RPS6KC1: variants seen among roughly 807,000 people sequenced by gnomAD.
RPS6KC1 encodes the protein inactive ribosomal protein S6 kinase delta-1.
In RPS6KC1, 54 loss-of-function variants were observed where a neutral mutation model predicts 103.8. The ratio of observed to expected loss-of-function variants is 0.52; its 90% CI spans 0.42 to 0.65. The LOEUF (loss-of-function observed/expected upper bound fraction) is 0.65. Among genes scored for constraint, RPS6KC1 ranks in the 30% least tolerant of loss-of-function variants. RPS6KC1 has a pLI of 0.00. For synonymous variants in RPS6KC1, 439 were observed against 438.7 expected (o/e 1.00, Z -0.01); for missense variants, 1,151 against 1,253.8 (o/e 0.92, Z 1.24).
the RPS6KC1 span, among the ~76,000 whole-genome samples, chr1:213,476,719 G>T: frequency 6.6e-6 from 1 of 152,204 alleles, no homozygotes. Context: ...TGGTGTTGGA[G>T]ACTCACCTGT....
chr1:213,615,862 C>T, the RPS6KC1 span, among the ~76,000 whole-genome samples: 1 of 152,214 alleles, frequency 6.6e-6, no homozygotes, highest in Non-Finnish European at 1.5e-5. Flanking sequence ...CAATTCCCTA[C>T]AAGGGGTGGC....
At chr1:213,485,380 G>C in the RPS6KC1 span, among the ~76,000 whole-genome samples, 6 of 151,976 alleles carry the variant, frequency 3.9e-5, no homozygotes, top group Non-Finnish European at 7.4e-5. Context: ...CCCTGCATAT[G>C]CTAAGAGTAT....
intron 3 of RPS6KC1, among the ~76,000 whole-genome samples, chr1:213,097,160 C>A (rs956724856): frequency 6.6e-6 from 1 of 152,104 alleles, no homozygotes; most frequent in Non-Finnish European, 1.5e-5. Flanking sequence ...TCAAGACCAG[C>A]CTGGCCAACA....
At chr1:213,670,919 A>ATCTTCTGTT in the RPS6KC1 span, among the ~76,000 whole-genome samples, 96 of 152,146 alleles carry the variant, frequency 6.3e-4, 3 homozygotes, top group South Asian at 0.019. Context: ...GTGGCTTCAG[A>ATCTTCTGTT]TCTTCTGTTT....
chr1:213,453,646 G>C, the RPS6KC1 span, among the ~76,000 whole-genome samples: 1 of 152,304 alleles, frequency 6.6e-6, no homozygotes, highest in Non-Finnish European at 1.5e-5. Context: ...AGGAGCTCAG[G>C]AAGGGTCTTG....
At chr1:213,777,623 A>G in the RPS6KC1 span, among the ~76,000 whole-genome samples, 1 of 152,228 alleles carries the variant, frequency 6.6e-6, no homozygotes, top group African/African-American at 2.4e-5. Context: ...GTTGCCACAA[A>G]TCTTCATTTG....
At chr1:213,798,669 C>A in the RPS6KC1 span, among the ~76,000 whole-genome samples, 1 of 152,184 alleles carries the variant, frequency 6.6e-6, no homozygotes, top group Admixed American at 6.5e-5. Flanking sequence ...GAAACTCAAT[C>A]AGACTTAAAT....
the RPS6KC1 span, among the ~76,000 whole-genome samples, chr1:213,351,490 G>A: frequency 6.6e-6 from 1 of 152,156 alleles, no homozygotes; most frequent in Non-Finnish European, 1.5e-5. Flanking sequence ...TTGAAAAGTG[G>A]CAACTGGCTA....
At chr1:213,853,971 C>G in the RPS6KC1 span, among the ~76,000 whole-genome samples, 1 of 152,332 alleles carries the variant, frequency 6.6e-6, no homozygotes, top group African/African-American at 2.4e-5. Context: ...GGTGCGATTT[C>G]TTCCTATGGT....
At position 213,241,934 on chromosome 1, in the gene RPS6KC1, C is replaced by T. The variant is rs779416023; in HGVS notation, c.2458C>T (p.Arg820Cys). 1.7e-5 allele frequency: 28 copies of T among 1,613,836 alleles called. No homozygotes were observed. Among genetic ancestry groups the T allele is most frequent in the East Asian group, 2.2e-5 (1 of 44,890 alleles). The change falls in exon 11 of 15, where the codon CGT becomes TGT. Residue 820 changes from arginine to cysteine, a missense_variant. By Grantham distance (180) the Arg-to-Cys change is radical. This residue lies in a region of RPS6KC1 where 959 missense variants were observed against 1,006.3 expected (regional missense o/e 0.95). Transcript: ENST00000366960. Reference sequence around the variant, plus strand: ...AAACAACACAGAAGAAAGCTTATTCCGTATTTGTAGTCCACTCTCAGGTGC... The same window carrying T: ...AAACAACACAGAAGAAAGCTTATTCTGTATTTGTAGTCCACTCTCAGGTGC... ...TANNTEESLFRICSPLSGANE... is the reference protein window; with the variant it reads ...TANNTEESLFCICSPLSGANE...
chr1:213,755,356 A>C, the RPS6KC1 span, among the ~76,000 whole-genome samples: 1 of 152,360 alleles, frequency 6.6e-6, no homozygotes, highest in South Asian at 2.1e-4. Flanking sequence ...ACGAGAGTCC[A>C]ATGGAGAAGG....
the RPS6KC1 span, among the ~76,000 whole-genome samples, chr1:213,809,181 C>T: frequency 8.5e-5 from 13 of 152,092 alleles, no homozygotes; most frequent in Admixed American, 3.3e-4. Context: ...ATTTATTGGC[C>T]TAGTTTCTAC....
At chr1:213,298,214 G>C in the RPS6KC1 span, among the ~76,000 whole-genome samples, 1 of 152,090 alleles carries the variant, frequency 6.6e-6, no homozygotes, top group Non-Finnish European at 1.5e-5. Flanking sequence ...CTTGAATAAG[G>C]GTGCACAGGA....
chr1:213,695,144 A>G, the RPS6KC1 span, among the ~76,000 whole-genome samples: 1 of 152,220 alleles, frequency 6.6e-6, no homozygotes, highest in East Asian at 1.9e-4. Context: ...CATAGTAGGC[A>G]CTCAATAAAT....
chr1:213,422,456 C>T, the RPS6KC1 span, among the ~76,000 whole-genome samples: 1 of 152,188 alleles, frequency 6.6e-6, no homozygotes, highest in South Asian at 2.1e-4. Context: ...CTGCTATGAA[C>T]ATTGGTGTAC....
chr1:213,411,753 A>T, the RPS6KC1 span, among the ~76,000 whole-genome samples: 2 of 152,196 alleles, frequency 1.3e-5, no homozygotes, highest in Non-Finnish European at 2.9e-5. Context: ...CTGGGTAATT[A>T]AAAATGGGTG....
chr1:213,243,200 T>C (rs897671823), intron 12 of RPS6KC1, among the ~76,000 whole-genome samples: 4 of 152,138 alleles, frequency 2.6e-5, no homozygotes, highest in African/African-American at 9.7e-5. Flanking sequence ...ATGAGGTCTT[T>C]CTGTTGCCCA....
the RPS6KC1 span, among the ~76,000 whole-genome samples, chr1:213,373,529 C>G: frequency 1.3e-5 from 2 of 151,888 alleles, no homozygotes; most frequent in African/African-American, 2.4e-5. Context: ...AACAAAACAA[C>G]AAAAAAAGAA....
the RPS6KC1 span, among the ~76,000 whole-genome samples, chr1:213,635,316 CAAA>C: frequency 6.6e-6 from 1 of 151,966 alleles, no homozygotes; most frequent in Non-Finnish European, 1.5e-5. Flanking sequence ...AGAGACACAA[CAAA>C]AAAAGAGAAT....
Sources: allele counts gnomAD v4.1 joint callset (sites outside exome capture counted in the v4.1 genomes callset), GRCh38; gene constraint gnomAD v4.1.1; regional missense constraint gnomAD v4.1.1; transcripts MANE v1.5; gene names NCBI Gene and HGNC (gene_info 2026-07-23, HGNC 2026-07-21).